Variants in NRCAM observed in about 807,000 individuals in gnomAD.
NRCAM encodes NgCAM-related cell adhesion molecule.
A neutral mutation model predicts 156.5 loss-of-function variants in NRCAM; 83 were observed. That is an observed-to-expected ratio of 0.53 (90% CI 0.44 to 0.64). The LOEUF is 0.64. Ranked by LOEUF, NRCAM falls within the 30% of genes least tolerant of loss-of-function variation. NRCAM has a pLI of 0.00. For missense variants in NRCAM, 1,417 were observed against 1,597.3 expected, an observed-to-expected ratio of 0.89 and a Z score of 1.92; for synonymous variants, 538 against 563.9, an observed-to-expected ratio of 0.95 and a Z score of 0.65.
chr7:108,391,659 C>T (rs2099760420), intron 2 of NRCAM, among the ~76,000 whole-genome samples: 1 of 152,168 alleles, frequency 6.6e-6, no homozygotes, highest in Non-Finnish European at 1.5e-5. Flanking sequence ...GATGCAGTTT[C>T]TTCCTAGCCT....
intron 2 of NRCAM, among the ~76,000 whole-genome samples, chr7:108,377,045 TC>T (rs3216492): frequency 0.33 from 49,496 of 151,908 alleles, 8,727 homozygotes; most frequent in Middle Eastern, 0.49. Context: ...GTACCTGTAG[TC>T]CTAGCTACTT....
At chr7:108,217,222 C>G (rs1036307427) in intron 11 of NRCAM, among the ~76,000 whole-genome samples, 1 of 152,228 alleles carries the variant, frequency 6.6e-6, no homozygotes, top group African/African-American at 2.4e-5. Flanking sequence ...ACTCCAGACA[C>G]TGTTTGCTTG....
chr7:108,421,444 C>T (rs1054680301), intron 1 of NRCAM, among the ~76,000 whole-genome samples: 1 of 152,044 alleles, frequency 6.6e-6, no homozygotes, highest in Non-Finnish European at 1.5e-5. Flanking sequence ...GACTAAGTCA[C>T]CCCCAATGAG....
chr7:108,434,440 G>A (rs924083851), intron 1 of NRCAM, among the ~76,000 whole-genome samples: 1 of 151,956 alleles, frequency 6.6e-6, no homozygotes, highest in Non-Finnish European at 1.5e-5. Flanking sequence ...CAGAGGGCTA[G>A]AAAAAGTGCT....
chr7:108,375,992 A>G (rs146846418), intron 2 of NRCAM, among the ~76,000 whole-genome samples: 2 of 152,328 alleles, frequency 1.3e-5, no homozygotes, highest in African/African-American at 4.8e-5. Context: ...TTGATATTAA[A>G]TTGCCATTGT....
intron 19 of NRCAM, among the ~76,000 whole-genome samples, chr7:108,189,991 A>G (rs1285376689): frequency 6.6e-6 from 1 of 152,184 alleles, no homozygotes; most frequent in Non-Finnish European, 1.5e-5. Flanking sequence ...TTGTAACCAA[A>G]CCCAGTGAAG....
At chr7:108,242,039 C>T (rs928967614) in intron 3 of NRCAM, among the ~76,000 whole-genome samples, 1 of 151,690 alleles carries the variant, frequency 6.6e-6, no homozygotes, top group Admixed American at 6.6e-5. Flanking sequence ...TTTGGGAGGC[C>T]GAAGCGGGTG....
At chr7:108,416,157 A>C (rs1801302532) in intron 1 of NRCAM, among the ~76,000 whole-genome samples, 1 of 152,222 alleles carries the variant, frequency 6.6e-6, no homozygotes, top group South Asian at 2.1e-4. Context: ...AGCATGACTA[A>C]GATATTCATC....
intron 2 of NRCAM, among the ~76,000 whole-genome samples, chr7:108,317,602 G>A (rs1248577189): frequency 3.3e-5 from 5 of 151,978 alleles, no homozygotes; most frequent in Admixed American, 1.3e-4. Context: ...AACTAATACC[G>A]TATCTAAGAA....
chr7:108,168,208 A>T, intron 29 of NRCAM, 69 bp downstream of exon 29: 1 of 1,406,112 alleles, frequency 7.1e-7, no homozygotes. Flanking sequence ...TAAATTCTTA[A>T]GAATGTTTTT....
chr7:108,265,245 G>A (rs554650323), intron 3 of NRCAM, among the ~76,000 whole-genome samples: 1 of 152,328 alleles, frequency 6.6e-6, no homozygotes, highest in South Asian at 2.1e-4. Context: ...CCTGGATCCT[G>A]CATAAACCCT....
intron 2 of NRCAM, among the ~76,000 whole-genome samples, chr7:108,375,189 GTAGTCCATGAGC>G (rs2099669061): frequency 1.3e-5 from 2 of 151,996 alleles, no homozygotes; most frequent in Admixed American, 1.3e-4. Flanking sequence ...TTTCCTCCTT[GTAGTCCATGAGC>G]TACTTGAAGG....
At chr7:108,394,489 CCTCTTAGTCTCT>C (rs1380674776) in intron 2 of NRCAM, among the ~76,000 whole-genome samples, 1 of 152,190 alleles carries the variant, frequency 6.6e-6, no homozygotes, top group African/African-American at 2.4e-5. Flanking sequence ...ATTTCTCTCT[CCTCTTAGTCTCT>C]CTCTTTGCCT....
chr7:108,185,706 A>C, intron 20 of NRCAM, among the ~76,000 whole-genome samples: 1 of 144,820 alleles, frequency 6.9e-6, no homozygotes, highest in East Asian at 2.1e-4. Flanking sequence ...ACAGAGTGAA[A>C]CCCTGTCTCA....
At chr7:108,317,347 A>C (rs1469104696) in intron 2 of NRCAM, among the ~76,000 whole-genome samples, 5 of 152,228 alleles carry the variant, frequency 3.3e-5, no homozygotes, top group African/African-American at 1.2e-4. Context: ...ATTTAATTTT[A>C]AAATATAAGT....
At chr7:108,348,522 G>A (rs2099386599) in intron 2 of NRCAM, among the ~76,000 whole-genome samples, 1 of 152,182 alleles carries the variant, frequency 6.6e-6, no homozygotes, top group Non-Finnish European at 1.5e-5. Flanking sequence ...TGCTGCAGGA[G>A]AGGATCAAAG....
chr7:108,230,426 T>A (rs960120709), intron 8 of NRCAM, among the ~76,000 whole-genome samples: 1 of 152,188 alleles, frequency 6.6e-6, no homozygotes, highest in African/African-American at 2.4e-5. Context: ...GAAGTGATAC[T>A]GTTACTACTT....
At chr7:108,330,988 C>T (rs2099120795) in intron 2 of NRCAM, among the ~76,000 whole-genome samples, 1 of 152,096 alleles carries the variant, frequency 6.6e-6, no homozygotes, top group Non-Finnish European at 1.5e-5. Flanking sequence ...CCATTTTAAC[C>T]ATTATATCCT....
intron 26 of NRCAM, 90 bp downstream of exon 26, chr7:108,177,900 A>AC: frequency 8.5e-7 from 1 of 1,180,342 alleles, no homozygotes; most frequent in Non-Finnish European, 1.2e-6. Context: ...ATCACTACGT[A>AC]CCCCATGAGG....
Sources: gnomAD v4.1 joint callset for allele counts (sites outside exome capture counted in the v4.1 genomes callset) on GRCh38, gnomAD v4.1.1 for gene constraint, MANE v1.5 for transcripts, NCBI Gene and HGNC (gene_info 2026-07-23, HGNC 2026-07-21) for gene names.